LMLN: variants seen among roughly 807,000 people sequenced by gnomAD.
LMLN encodes the protein leishmanolysin-like peptidase.
In LMLN, 70 loss-of-function variants were observed where a neutral mutation model predicts 92.3. That is an observed-to-expected ratio of 0.76 (90% CI 0.63 to 0.92). The LOEUF (loss-of-function observed/expected upper bound fraction) is 0.92. Among genes scored for constraint, LMLN ranks in the 40% least tolerant of loss-of-function variants. LMLN has a pLI of 0.00. For synonymous variants in LMLN, 308 were observed against 296.2 expected (o/e 1.04, Z -0.41); for missense variants, 691 against 814.6 (o/e 0.85, Z 1.85).
At chr3:197,982,256 C>G in intron 6 of LMLN, among the ~76,000 whole-genome samples, 1 of 131,356 alleles carries the variant, frequency 7.6e-6, no homozygotes, top group African/African-American at 3.2e-5. Flanking sequence ...GACGGTGTCT[C>G]ACTCTGTTGC....
chr3:198,006,717 CT>C (rs1299894431), intron 11 of LMLN, among the ~76,000 whole-genome samples: 31 of 147,044 alleles, frequency 2.1e-4, no homozygotes, highest in East Asian at 3.9e-4. Flanking sequence ...GTCTCTTTGT[CT>C]TTTTTTTTTT....
At chr3:197,975,844 G>C (rs1427671979) in intron 3 of LMLN, among the ~76,000 whole-genome samples, 185 bp from the exon 4 acceptor site, 1 of 152,116 alleles carries the variant, frequency 6.6e-6, no homozygotes, top group Non-Finnish European at 1.5e-5. Flanking sequence ...CTAGAAAATG[G>C]GGGAAATTCT....
At chr3:198,012,123 T>C (rs1158056715) in intron 11 of LMLN, among the ~76,000 whole-genome samples, 2 of 152,200 alleles carry the variant, frequency 1.3e-5, no homozygotes, top group African/African-American at 4.8e-5. Flanking sequence ...TGGAGTGCAG[T>C]GGTGCAATCT....
At chr3:198,000,510 C>G (rs1316344943) in intron 11 of LMLN, among the ~76,000 whole-genome samples, 2 of 152,186 alleles carry the variant, frequency 1.3e-5, no homozygotes, top group Non-Finnish European at 2.9e-5. Flanking sequence ...TCACTGCAAC[C>G]TCCACCTCTC....
At chr3:197,988,678 T>C (rs1721781795) in intron 8 of LMLN, among the ~76,000 whole-genome samples, 1 of 151,674 alleles carries the variant, frequency 6.6e-6, no homozygotes, top group Admixed American at 6.6e-5. Flanking sequence ...ATTTTTATTT[T>C]AAATTTATTT....
At chr3:198,014,066 C>T (rs1352960011) in intron 11 of LMLN, among the ~76,000 whole-genome samples, 1 of 145,478 alleles carries the variant, frequency 6.9e-6, no homozygotes, top group Admixed American at 6.8e-5. Flanking sequence ...CCCTTCAGAG[C>T]CTCCTAACTA....
intron 5 of LMLN, among the ~76,000 whole-genome samples, chr3:197,978,696 TA>T (rs773227967): frequency 2.6e-5 from 4 of 152,076 alleles, no homozygotes; most frequent in African/African-American, 4.8e-5. Context: ...TAGTGCTTAA[TA>T]AAAAACTACA....
chr3:197,980,233 T>C (rs1391473335), intron 5 of LMLN, 93 bp from the exon 6 acceptor site: 2 of 1,018,388 alleles, frequency 2.0e-6, no homozygotes, highest in Non-Finnish European at 2.9e-6. Context: ...TAAATTGTAC[T>C]GTGTTTATAG....
intron 14 of LMLN, among the ~76,000 whole-genome samples, chr3:198,034,931 A>C (rs1233588628): frequency 1.3e-5 from 2 of 152,206 alleles, no homozygotes; most frequent in African/African-American, 4.8e-5. Flanking sequence ...GCAGTGGCTC[A>C]AACCTTTAAT....
chr3:198,030,949 G>A (rs576662819), intron 14 of LMLN, among the ~76,000 whole-genome samples: 4 of 149,432 alleles, frequency 2.7e-5, no homozygotes, highest in African/African-American at 9.9e-5. Flanking sequence ...GTGGGAAGGC[G>A]GGACCTCACC....
intron 15 of LMLN, among the ~76,000 whole-genome samples, chr3:198,037,321 C>T (rs1723261654): frequency 1.3e-5 from 2 of 152,106 alleles, no homozygotes; most frequent in Non-Finnish European, 2.9e-5. Context: ...TGTATTAACT[C>T]TGCTCTACAC....
chr3:198,017,659 C>T (rs1193750974), intron 11 of LMLN, among the ~76,000 whole-genome samples: 1 of 152,086 alleles, frequency 6.6e-6, no homozygotes, highest in Non-Finnish European at 1.5e-5. Flanking sequence ...TGGCCCATGA[C>T]CGTAATCCCA....
In LMLN at chr3:197,976,125, AAC is replaced by A; in HGVS notation, c.431+18_431+19del. On this transcript the variant is annotated intron_variant, in intron 4 of 15. Coordinates refer to ENST00000330198, the Ensembl canonical transcript of LMLN. ...CTTACTTAGCAGGTATGTCACATGA[AAC>A]ACAGATCATTTTCTTCAGCCGTTTA... The A allele has an allele frequency of 6.5e-7, 1 of 1,536,046 alleles. No homozygotes were observed.
chr3:198,003,092 G>A, intron 11 of LMLN: 4 of 1,551,138 alleles, frequency 2.6e-6, no homozygotes, highest in Non-Finnish European at 3.5e-6. Context: ...GTCAGGAAGA[G>A]CTGTAAATTC....
chr3:198,021,543 G>T (rs749679003), exon 13 of LMLN: 9 of 1,614,176 alleles, frequency 5.6e-6, no homozygotes, highest in Admixed American at 1.7e-5. Context: ...CAGGAATTCA[G>T]TTGGCATTTA....
chr3:197,962,606 G>A (rs190238506), intron 1 of LMLN, among the ~76,000 whole-genome samples: 215 of 152,228 alleles, frequency 1.4e-3, no homozygotes, highest in Middle Eastern at 3.4e-3. Flanking sequence ...ATTAGTTATG[G>A]TTGCTGCATA....
chr3:198,012,326 ATG>A (rs1722468702), intron 11 of LMLN, among the ~76,000 whole-genome samples: 2 of 152,142 alleles, frequency 1.3e-5, no homozygotes. Context: ...TGGCTTCCCA[ATG>A]TGTTGGGATT....
intron 11 of LMLN, among the ~76,000 whole-genome samples, chr3:198,000,004 A>G (rs1428082362): frequency 6.6e-6 from 1 of 152,266 alleles, no homozygotes; most frequent in Non-Finnish European, 1.5e-5. Context: ...TTTTTAAATG[A>G]CTGGTTTTTT....
At chr3:198,008,818 C>G (rs116442489) in intron 11 of LMLN, among the ~76,000 whole-genome samples, 2,041 of 152,274 alleles carry the variant, frequency 0.013, 26 homozygotes, top group Non-Finnish European at 0.02. Context: ...ATATTTTTCT[C>G]TTTTAATTCA....
Sources: allele counts gnomAD v4.1 joint callset (sites outside exome capture counted in the v4.1 genomes callset), GRCh38; gene constraint gnomAD v4.1.1; transcripts MANE v1.5; gene names NCBI Gene and HGNC (gene_info 2026-07-23, HGNC 2026-07-21).